TBL1X: variants seen among roughly 807,000 people sequenced by gnomAD.
TBL1X encodes F-box-like/WD repeat-containing protein TBL1X.
TBL1X carries 10 observed loss-of-function variants against 50.7 expected under a neutral mutation model. The observed-to-expected ratio is 0.20, with a 90% confidence interval of 0.12 to 0.33. The LOEUF (loss-of-function observed/expected upper bound fraction) is 0.33. Ranked by LOEUF, TBL1X falls within the 10% of genes least tolerant of loss-of-function variation. The pLI is 1.00. For synonymous variants in TBL1X, 190 were observed against 214.7 expected (o/e 0.88, Z 1.01); for missense variants, 340 against 504.4 (o/e 0.67, Z 3.12).
chrX:9,593,482 C>T (rs183437554), intron 2 of TBL1X, among the ~76,000 whole-genome samples: 3 of 110,675 alleles, frequency 2.7e-5, no homozygotes, highest in African/African-American at 6.6e-5. Flanking sequence ...AGGTGAAGTT[C>T]GCTTAGCAGA....
intron 6 of TBL1X, among the ~76,000 whole-genome samples, chrX:9,686,199 C>T (rs1291071977): frequency 1.8e-5 from 2 of 111,739 alleles, no homozygotes; most frequent in Admixed American, 9.5e-5. Context: ...AAAACACACA[C>T]GTGTGTATCT....
chrX:9,630,601 A>T (rs12392717), intron 2 of TBL1X, among the ~76,000 whole-genome samples: 299 of 111,848 alleles, frequency 2.7e-3, no homozygotes, highest in African/African-American at 7.7e-3. Flanking sequence ...TTTATTTTTT[A>T]AAAATATTTT....
At chrX:9,635,908 G>A (rs184184768) in intron 2 of TBL1X, among the ~76,000 whole-genome samples, 6 of 112,444 alleles carry the variant, frequency 5.3e-5, no homozygotes, top group Non-Finnish European at 9.4e-5. Context: ...ACCCAAGCCA[G>A]GTTCCTGTCA....
chrX:9,679,998 C>T (rs1168271065), intron 5 of TBL1X, among the ~76,000 whole-genome samples: 11 of 111,945 alleles, frequency 9.8e-5, no homozygotes, highest in Admixed American at 9.4e-4. Context: ...CTGGGAAGTC[C>T]AAGATCAAGA....
At chrX:9,652,491 GT>G (rs1407729462) in intron 3 of TBL1X, among the ~76,000 whole-genome samples, 1 of 112,420 alleles carries the variant, frequency 8.9e-6, no homozygotes, top group Non-Finnish European at 1.9e-5. Flanking sequence ...AACAATGAAA[GT>G]TTTGCTGCCT....
chrX:9,469,755 C>T (rs2081801002), intron 1 of TBL1X, among the ~76,000 whole-genome samples: 1 of 111,983 alleles, frequency 8.9e-6, no homozygotes, highest in South Asian at 3.7e-4. Context: ...CTCTGTCTCC[C>T]ACAGTTCCTC....
intron 2 of TBL1X, among the ~76,000 whole-genome samples, chrX:9,578,670 C>T (rs1255673371): frequency 4.5e-5 from 5 of 111,605 alleles, no homozygotes; most frequent in Non-Finnish European, 9.4e-5. Flanking sequence ...GGCAGAGAGA[C>T]GGCTCCTGGC....
intron 2 of TBL1X, among the ~76,000 whole-genome samples, chrX:9,607,483 C>T (rs2082589617): frequency 8.8e-6 from 1 of 113,013 alleles, no homozygotes; most frequent in South Asian, 3.6e-4. Flanking sequence ...GGGTCCAAAG[C>T]CTCCAGGTAC....
chrX:9,616,201 C>T (rs1344335566), intron 2 of TBL1X, among the ~76,000 whole-genome samples: 1 of 111,606 alleles, frequency 9.0e-6, no homozygotes, highest in Non-Finnish European at 1.9e-5. Flanking sequence ...GTGTACCCCC[C>T]ACCCACCAGA....
Position 9,719,245 on chromosome X carries a change from G to A in TBL1X, c.*2999G>A, listed in dbSNP as rs1417242014. On this transcript the variant is annotated 3_prime_UTR_variant, in exon 18 of 18. Transcript: ENST00000645353. ...TGCCCCAAGGGGGACCAAAAGGGCC[G>A]GACGTTACAGGGTGAAACCCTCTGA... 2.7e-5 allele frequency: 3 copies of A among 111,960 alleles called. No homozygotes were observed. The highest frequency in any genetic ancestry group is 3.8e-5 in the Non-Finnish European group (2 of 53,138). The allele number at this position is 111,960 out of a possible 1,213,427, so 9.2% of individuals were successfully genotyped here.
chrX:9,605,009 A>G (rs992968753), intron 2 of TBL1X, among the ~76,000 whole-genome samples: 1 of 110,318 alleles, frequency 9.1e-6, no homozygotes, highest in Non-Finnish European at 1.9e-5. Context: ...GCAAACATCC[A>G]CTCAGAAATG....
rs183658153 is a variant in TBL1X at position 9,703,349 on chromosome X, C to T, written c.1115-1644C>T. Among the ~76,000 whole-genome samples the T allele has an allele frequency of 2.9e-5, 3 of 102,396 alleles. No homozygotes were observed. The East Asian group carries it at 1.0e-3, about 34-fold the overall frequency. 88.9% of individuals were successfully genotyped at this position (102,396 alleles called of 115,157 possible). ...ATCACCAGAGAAGCCGCCTCTTCCC[C>T]TGTGCCCTTCTGTCTCGGCATCGCA... On this transcript the variant is annotated intron_variant, in intron 12 of 17. Coordinates refer to ENST00000645353, the MANE Select transcript of TBL1X (RefSeq NM_005647.4).
chrX:9,487,440 C>G (rs1330729481), intron 1 of TBL1X, among the ~76,000 whole-genome samples: 1 of 111,395 alleles, frequency 9.0e-6, no homozygotes, highest in Non-Finnish European at 1.9e-5. Context: ...CTTCATATTT[C>G]TGAGTTTCAT....
intron 1 of TBL1X, among the ~76,000 whole-genome samples, chrX:9,500,981 C>A (rs1262107914): frequency 8.9e-6 from 1 of 111,738 alleles, no homozygotes; most frequent in Non-Finnish European, 1.9e-5. Context: ...TCACAACAAC[C>A]AAGACCACCT....
At chrX:9,565,261 G>C in intron 2 of TBL1X, among the ~76,000 whole-genome samples, 1 of 52,448 alleles carries the variant, frequency 1.9e-5, no homozygotes, top group Admixed American at 3.3e-4. Flanking sequence ...GGCAGAGCGA[G>C]ACTCCGTCTC....
rs775364214 is a variant in TBL1X at position 9,709,714 on chromosome X, A to G, written c.1393A>G (p.Thr465Ala). The G allele has an allele frequency of 1.7e-6, 2 of 1,208,852 alleles. No homozygotes were observed. The highest frequency in any genetic ancestry group is 2.3e-4 in the Middle Eastern group (1 of 4,325). Residue 465 changes from threonine (T) to alanine (A), a missense_variant, in exon 15 of 18, where the codon ACT (threonine) becomes GCT (alanine). Physicochemically the swap from Thr to Ala is moderately conservative, Grantham distance 58. Transcript: ENST00000645353. ...KEIYTIKWSP[T>A]GPATSNPNSN... ...GATCTACACCATCAAGTGGAGCCCC[A>G]CTGGGCCCGCCACCAGCAACCCAAA... is the stretch of plus-strand genomic sequence containing the variant.
chrX:9,506,206 G>T (rs908408854), intron 2 of TBL1X, among the ~76,000 whole-genome samples: 1 of 111,822 alleles, frequency 8.9e-6, no homozygotes, highest in South Asian at 3.7e-4. Context: ...TGACTCCTGG[G>T]TAAATAATGA....
chrX:9,698,993 TG>T (rs2146645501), intron 12 of TBL1X, among the ~76,000 whole-genome samples: 1 of 111,383 alleles, frequency 9.0e-6, no homozygotes, highest in African/African-American at 3.3e-5. Flanking sequence ...TTTGTTTGTT[TG>T]TTTGGAGACA....
In TBL1X at chrX:9,560,173, C is replaced by T. The variant is rs1286180000; in HGVS notation, c.-131+58324C>T. Among the ~76,000 whole-genome samples the T allele has an allele frequency of 6.3e-5, 7 of 111,959 alleles. No individual in the cohort carries two copies. In the South Asian group the frequency reaches 1.5e-3, roughly 24 times the overall value. On this transcript the variant is annotated intron_variant, in intron 2 of 17. Transcript: ENST00000645353. ...GTTCCACGACAAAGGCAATTCTAGG[C>T]GATGTTTATGTAGTGTTCCTTGCAT...
Sources: allele counts gnomAD v4.1 joint callset (sites outside exome capture counted in the v4.1 genomes callset), GRCh38; gene constraint gnomAD v4.1.1; transcripts MANE v1.5; gene names NCBI Gene and HGNC (gene_info 2026-07-23, HGNC 2026-07-21).